The following SLC44A5 variants were observed in gnomAD, a reference collection of about 807,000 sequenced individuals.
The protein encoded by SLC44A5 is choline transporter-like protein 5.
A neutral mutation model predicts 101.8 loss-of-function variants in SLC44A5; 57 were observed. The ratio of observed to expected loss-of-function variants is 0.56; its 90% CI spans 0.45 to 0.70. SLC44A5 has a LOEUF of 0.70. Ranked by LOEUF, SLC44A5 falls within the 30% of genes least tolerant of loss-of-function variation. The pLI, the probability that SLC44A5 is intolerant of heterozygous loss-of-function variation, is 0.00. For missense variants in SLC44A5, 737 were observed against 853.1 expected (o/e 0.86, Z 1.70); for synonymous variants, 281 against 290.9 (o/e 0.97, Z 0.35).
intron 5 of SLC44A5, among the ~76,000 whole-genome samples, chr1:75,287,925 C>T (rs947217464): frequency 3.3e-5 from 5 of 152,102 alleles, no homozygotes; most frequent in African/African-American, 1.2e-4. Context: ...GTGTTGGCCT[C>T]CAGCCAGGAG....
intron 1 of SLC44A5, among the ~76,000 whole-genome samples, chr1:75,590,733 A>C (rs1268869342): frequency 6.6e-6 from 1 of 152,158 alleles, no homozygotes; most frequent in African/African-American, 2.4e-5. Context: ...GAAAAGGGAA[A>C]GAAAGAGTGG....
chr1:75,677,189 C>T, the SLC44A5 span, among the ~76,000 whole-genome samples: 2 of 151,786 alleles, frequency 1.3e-5, no homozygotes, highest in African/African-American at 4.8e-5. Flanking sequence ...ACAGTAAATA[C>T]AGAAAAAAAA....
In SLC44A5 at chr1:75,257,383, C is replaced by A. The variant is rs545374363; in HGVS notation, c.261-6089G>T. Among the ~76,000 whole-genome samples, 4 of 152,138 alleles carry A rather than the reference C, an allele frequency of 2.6e-5. No individual in the cohort carries two copies. In the South Asian group the frequency reaches 8.3e-4, roughly 32 times the overall value. ...ACCCACTTGCACTACAAAGAAGAAC[C>A]AAAATAACAAGTAGATAATCACACT... On this transcript the variant is annotated intron_variant, in intron 6 of 23. Transcript: ENST00000370859.
chr1:75,549,140 CA>C (rs11287641), intron 1 of SLC44A5, among the ~76,000 whole-genome samples: 60,151 of 148,896 alleles, frequency 0.4, 12,189 homozygotes, highest in Non-Finnish European at 0.44. Flanking sequence ...ATTTTATTTC[CA>C]GAGGTTTTGC....
chr1:75,474,728 C>A (rs530588144), intron 2 of SLC44A5, among the ~76,000 whole-genome samples: 1 of 152,084 alleles, frequency 6.6e-6, no homozygotes, highest in African/African-American at 2.4e-5. Flanking sequence ...AAATTTTATA[C>A]CCCAAATTTC....
intron 2 of SLC44A5, among the ~76,000 whole-genome samples, chr1:75,405,476 T>A (rs1662787391): frequency 6.6e-6 from 1 of 152,038 alleles, no homozygotes; most frequent in South Asian, 2.1e-4. Flanking sequence ...CCTCAGCAAA[T>A]GCAAAAGAAT....
intron 6 of SLC44A5, among the ~76,000 whole-genome samples, chr1:75,266,296 GCATTT>G (rs1319724077): frequency 6.9e-6 from 1 of 144,230 alleles, no homozygotes; most frequent in Non-Finnish European, 1.5e-5. Flanking sequence ...TAACATAGAT[GCATTT>G]CATTTTGGCA....
At chr1:75,421,492 A>G (rs1412955892) in intron 2 of SLC44A5, among the ~76,000 whole-genome samples, 3 of 152,154 alleles carry the variant, frequency 2.0e-5, no homozygotes, top group Non-Finnish European at 4.4e-5. Flanking sequence ...TTTTCTTTCA[A>G]CATGAAGGGA....
chr1:75,610,251 C>G (rs1024091372), intron 1 of SLC44A5, among the ~76,000 whole-genome samples: 1 of 151,190 alleles, frequency 6.6e-6, no homozygotes, highest in African/African-American at 2.4e-5. Context: ...CATACATATA[C>G]CTATATACAC....
intron 1 of SLC44A5, among the ~76,000 whole-genome samples, chr1:75,566,184 C>T (rs1032519001): frequency 6.6e-6 from 1 of 152,052 alleles, no homozygotes; most frequent in African/African-American, 2.4e-5. Context: ...AAGCACAACT[C>T]ATATAAAATT....
chr1:75,491,778 AC>A (rs1668439870), intron 2 of SLC44A5, among the ~76,000 whole-genome samples: 1 of 152,114 alleles, frequency 6.6e-6, no homozygotes, highest in Non-Finnish European at 1.5e-5. Flanking sequence ...TGGTAACATC[AC>A]AGGATCTGCA....
intron 1 of SLC44A5, among the ~76,000 whole-genome samples, chr1:75,605,121 TCTTTGA>T (rs1433369752): frequency 6.6e-6 from 1 of 152,088 alleles, no homozygotes; most frequent in Non-Finnish European, 1.5e-5. Flanking sequence ...CTGATTTTTG[TCTTTGA>T]CTTTGAACAC....
At position 75,215,734 on chromosome 1, in the gene SLC44A5, TAATAAAATAATCTACCTACCATA is replaced by T; in HGVS notation, c.1725_1728+19del. On this transcript the variant is annotated splice_donor_variant and splice_donor_5th_base_variant and coding_sequence_variant and intron_variant, in exon 19 of 24. Transcript: ENST00000370859. LOFTEE classifies it high-confidence loss of function. ...GATTGCAAAGAAGCAGCTTAGTAAA[TAATAAAATAATCTACCTACCATA>T]ATATAGGCATTTCTGTTTAAAAACT... The T allele has an allele frequency of 7.0e-7, 1 of 1,422,992 alleles. No homozygotes were observed. Among genetic ancestry groups the T allele is most frequent in the Non-Finnish European group, 9.9e-7 (1 of 1,008,098 alleles). 88.1% of individuals were successfully genotyped at this position (1,422,992 alleles called of 1,614,324 possible). A position where few individuals can be genotyped will look rare whatever the true frequency, so the allele number is the denominator to read the frequency against.
intron 2 of SLC44A5, among the ~76,000 whole-genome samples, chr1:75,496,996 T>C (rs1000740231): frequency 2.0e-5 from 3 of 152,034 alleles, no homozygotes; most frequent in African/African-American, 7.2e-5. Flanking sequence ...TTTATGAGAA[T>C]GTGAGGAAAA....
At chr1:75,327,085 ATTTT>A in intron 4 of SLC44A5, among the ~76,000 whole-genome samples, 1 of 148,650 alleles carries the variant, frequency 6.7e-6, no homozygotes, top group African/African-American at 2.5e-5. Context: ...TCTAAGCTTT[ATTTT>A]TTTTTTTTTA....
At chr1:75,273,068 C>T (rs1288577049) in intron 6 of SLC44A5, among the ~76,000 whole-genome samples, 6 of 151,108 alleles carry the variant, frequency 4.0e-5, no homozygotes, top group African/African-American at 7.3e-5. Context: ...AGCAGTGTTT[C>T]GTAGTTTTCC....
intron 11 of SLC44A5, among the ~76,000 whole-genome samples, chr1:75,234,947 A>G (rs12743566): frequency 0.06 from 9,123 of 152,158 alleles, 357 homozygotes; most frequent in Middle Eastern, 0.088. Context: ...TTAAGAACTG[A>G]TATGTCTGGT....
the SLC44A5 span, among the ~76,000 whole-genome samples, chr1:75,701,197 A>G: frequency 6.6e-6 from 1 of 152,102 alleles, no homozygotes; most frequent in Non-Finnish European, 1.5e-5. Context: ...TGGCAGAGAC[A>G]CACAAAAAAA....
chr1:75,554,240 G>T lies in SLC44A5; in HGVS notation c.-69-12724C>A, dbSNP rs148313117. ...GCCTGTAATCCCAGTGCTTTGAGAG[G>T]CCAAGGCAGGCGAATCATTTGAGGT... On this transcript the variant is annotated intron_variant, in intron 1 of 23. Transcript: ENST00000370859. Among the ~76,000 whole-genome samples the T allele has an allele frequency of 2.4e-3, 359 of 152,162 alleles. 2 individuals are homozygous for T. The highest frequency in any genetic ancestry group is 7.8e-3 in the African/African-American group (325 of 41,524).
Sources: allele counts gnomAD v4.1 joint callset (sites outside exome capture counted in the v4.1 genomes callset), GRCh38; gene constraint gnomAD v4.1.1; transcripts MANE v1.5; gene names NCBI Gene and HGNC (gene_info 2026-07-23, HGNC 2026-07-21).